The following PHF14 variants were observed in gnomAD, a reference collection of about 807,000 sequenced individuals.
PHF14 encodes the protein PHD finger protein 14.
PHF14 carries 55 observed loss-of-function variants against 117.9 expected under a neutral mutation model. That is an observed-to-expected ratio of 0.47 (90% CI 0.38 to 0.58). The LOEUF is 0.58. Ranked by LOEUF, PHF14 falls within the 20% of genes least tolerant of loss-of-function variation. The probability of loss-of-function intolerance (pLI) is 0.00; values close to 1 mark genes in which losing one functional copy is unlikely to be tolerated. For synonymous variants in PHF14, 409 were observed against 368.6 expected (o/e 1.11, Z -1.26); for missense variants, 978 against 1,122.2 (o/e 0.87, Z 1.84).
intron 17 of PHF14, among the ~76,000 whole-genome samples, chr7:11,123,675 G>A (rs1383974767): frequency 1.3e-5 from 2 of 152,076 alleles, no homozygotes; most frequent in Non-Finnish European, 2.9e-5. Flanking sequence ...ACCTACTCGG[G>A]AGGCTGAGAC....
chr7:11,142,058 T>C (rs529918766), intron 17 of PHF14, among the ~76,000 whole-genome samples: 1 of 152,110 alleles, frequency 6.6e-6, no homozygotes, highest in African/African-American at 2.4e-5. Context: ...TTTTTAAATT[T>C]CTTAGGGGTT....
At chr7:11,072,398 A>G (rs752921915) in intron 16 of PHF14, among the ~76,000 whole-genome samples, 52 of 152,200 alleles carry the variant, frequency 3.4e-4, no homozygotes, top group Non-Finnish European at 6.5e-4. Context: ...ATTGGGGACT[A>G]TAATTCAACA....
At chr7:11,068,770 A>T (rs1458645265) in intron 16 of PHF14, among the ~76,000 whole-genome samples, 6 of 152,180 alleles carry the variant, frequency 3.9e-5, no homozygotes, top group Admixed American at 3.9e-4. Context: ...TGTTGAATAC[A>T]TGGGATTTAG....
intron 4 of PHF14, among the ~76,000 whole-genome samples, chr7:11,004,952 G>C (rs1562414656): frequency 1.3e-5 from 2 of 152,010 alleles, no homozygotes; most frequent in Non-Finnish European, 2.9e-5. Flanking sequence ...GGGAGGCGGA[G>C]GTTACAGTAA....
chr7:11,125,967 T>A (rs1369598510), intron 17 of PHF14, among the ~76,000 whole-genome samples: 1 of 152,096 alleles, frequency 6.6e-6, no homozygotes, highest in East Asian at 1.9e-4. Flanking sequence ...ATTTTAAGAA[T>A]CGCTTTGAAA....
rs1293285209 is a variant in PHF14 at position 11,061,841 on chromosome 7, G to C, written c.2532G>C (p.Glu844Asp). ...TCGTTCCTGAGGAAGAAAAACATGAGGTTGGAATAAGTTAAGCACTTTTAC... is the reference window on the plus strand; with the variant it reads ...TCGTTCCTGAGGAAGAAAAACATGACGTTGGAATAAGTTAAGCACTTTTAC... ...RSFVPEEEKH[E>D]ERVPRERRQR... Residue 844 changes from glutamate (E) to aspartate (D), a missense_variant and splice_region_variant, in exon 15 of 18, where the codon GAG (glutamate) becomes GAC (aspartate). Around this residue, in one of 7 missense-constraint regions of PHF14, gnomAD observed 180 missense variants for 195.4 expected, o/e 0.92. Coordinates refer to ENST00000634607, the MANE Select transcript of PHF14 (RefSeq NM_001007157.2). The C allele has an allele frequency of 7.2e-6, 11 of 1,529,032 alleles. No individual in the cohort carries two copies. Among genetic ancestry groups the C allele is most frequent in the Non-Finnish European group, 9.7e-6 (11 of 1,138,474 alleles). 94.7% of individuals were successfully genotyped at this position (1,529,032 alleles called of 1,614,324 possible). A position where few individuals can be genotyped will look rare whatever the true frequency, so the allele number is the denominator to read the frequency against.
At chr7:11,064,457 G>T (rs1785353636) in intron 16 of PHF14, among the ~76,000 whole-genome samples, 1 of 151,810 alleles carries the variant, frequency 6.6e-6, no homozygotes, top group African/African-American at 2.4e-5. Flanking sequence ...GTGTATGTCT[G>T]TTAGGTTCTC....
chr7:11,168,544 A>G (rs73286542), intron 17 of PHF14, among the ~76,000 whole-genome samples: 1,536 of 152,330 alleles, frequency 0.01, 33 homozygotes, highest in African/African-American at 0.035. Flanking sequence ...GATGATATTG[A>G]TGATTATTAC....
At chr7:11,165,192 G>A (rs1245775790) in intron 17 of PHF14, among the ~76,000 whole-genome samples, 1 of 152,148 alleles carries the variant, frequency 6.6e-6, no homozygotes, top group Non-Finnish European at 1.5e-5. Flanking sequence ...CAAAGTGCTG[G>A]GATTACAGGC....
intron 4 of PHF14, among the ~76,000 whole-genome samples, chr7:11,010,220 T>C (rs929402073): frequency 2.6e-5 from 4 of 152,154 alleles, no homozygotes; most frequent in Admixed American, 1.3e-4. Flanking sequence ...TTTCATTTTA[T>C]GATTTTTCTT....
At chr7:11,132,709 A>G (rs1229468313) in intron 17 of PHF14, among the ~76,000 whole-genome samples, 1 of 151,762 alleles carries the variant, frequency 6.6e-6, no homozygotes, top group Non-Finnish European at 1.5e-5. Context: ...ACCAACTTAC[A>G]TTCCTACTAA....
chr7:11,035,010 ATTTGT>A (rs1473160571), intron 7 of PHF14, among the ~76,000 whole-genome samples: 1 of 151,842 alleles, frequency 6.6e-6, no homozygotes, highest in Non-Finnish European at 1.5e-5. Flanking sequence ...TTAAAATCCT[ATTTGT>A]TTTAAACAGT....
At chr7:11,085,329 C>CA (rs1786348954) in intron 16 of PHF14, among the ~76,000 whole-genome samples, 2 of 152,106 alleles carry the variant, frequency 1.3e-5, no homozygotes, top group African/African-American at 4.8e-5. Flanking sequence ...TGATTTAAAA[C>CA]AATTTATTAG....
intron 16 of PHF14, among the ~76,000 whole-genome samples, chr7:11,079,077 A>G (rs1207933480): frequency 6.6e-6 from 1 of 152,166 alleles, no homozygotes; most frequent in Non-Finnish European, 1.5e-5. Context: ...CTAAACTAAG[A>G]TGAATTAAGG....
chr7:10,993,365 C>T (rs1358053017), intron 4 of PHF14, among the ~76,000 whole-genome samples: 1 of 152,122 alleles, frequency 6.6e-6, no homozygotes, highest in East Asian at 1.9e-4. Flanking sequence ...TTTGCATGAT[C>T]TGTGATTCTC....
chr7:11,022,556 A>G (rs1041947170), intron 5 of PHF14, among the ~76,000 whole-genome samples: 1 of 152,168 alleles, frequency 6.6e-6, no homozygotes, highest in Non-Finnish European at 1.5e-5. Flanking sequence ...TAGTAGTTTT[A>G]TGCAAATATT....
chr7:11,081,349 C>G (rs2128336278), intron 16 of PHF14, among the ~76,000 whole-genome samples: 1 of 152,192 alleles, frequency 6.6e-6, no homozygotes, highest in African/African-American at 2.4e-5. Flanking sequence ...CTGAAATTAG[C>G]TCAATTTTTA....
intron 4 of PHF14, among the ~76,000 whole-genome samples, chr7:10,995,769 G>T (rs565775063): frequency 5.8e-4 from 88 of 152,286 alleles, no homozygotes; most frequent in Middle Eastern, 3.4e-3. Context: ...GGGACCCGGT[G>T]CACCCTCCAC....
intron 5 of PHF14, among the ~76,000 whole-genome samples, chr7:11,016,715 C>T (rs1001314555): frequency 2.6e-5 from 4 of 152,144 alleles, no homozygotes; most frequent in Non-Finnish European, 4.4e-5. Context: ...ATCCATTTCT[C>T]AAACACTTGT....
Sources: gnomAD v4.1 joint callset for allele counts (sites outside exome capture counted in the v4.1 genomes callset) on GRCh38, gnomAD v4.1.1 for gene constraint, gnomAD v4.1.1 regional missense constraint, MANE v1.5 for transcripts, NCBI Gene and HGNC (gene_info 2026-07-23, HGNC 2026-07-21) for gene names.